The following PHACTR2 variants were observed in gnomAD, a reference collection of about 807,000 sequenced individuals.
PHACTR2 encodes chromosome 6 open reading frame 56.
PHACTR2 carries 30 observed loss-of-function variants against 76.0 expected under a neutral mutation model. The observed-to-expected ratio is 0.39, with a 90% confidence interval of 0.30 to 0.54. PHACTR2 has a LOEUF of 0.54. PHACTR2 is among the 20% of genes least tolerant of loss of function. The pLI, the probability that PHACTR2 is intolerant of heterozygous loss-of-function variation, is 0.61. For synonymous variants in PHACTR2, 292 were observed against 292.5 expected (o/e 1.00, Z 0.02); for missense variants, 696 against 781.1 (o/e 0.89, Z 1.30).
In PHACTR2 at chr6:143,695,450, C is replaced by A. The variant is rs1276593475; in HGVS notation, c.47-16566C>A. 6.6e-6 allele frequency among the ~76,000 whole-genome samples: 1 copy of A among 152,172 alleles called. No individual in the cohort carries two copies. The highest frequency in any genetic ancestry group is 2.4e-5 in the African/African-American group (1 of 41,448). On this transcript the variant is annotated intron_variant, in intron 1 of 12. Transcript: ENST00000440869. The surrounding 1 kb of genome is among the most constrained non-coding windows in gnomAD (Gnocchi z 4.4). ...CTATTTCAGATTCAACATTCAATAC[C>A]CTAAGGCATAAAAATGGCGTCTTAC...
Position 143,562,327 on chromosome 6 carries a change from C to T in PHACTR2, c.217+25120C>T, listed in dbSNP as rs891810831. Among the ~76,000 whole-genome samples, 4 of 152,128 alleles carry T rather than the reference C, an allele frequency of 2.6e-5. No homozygotes were observed. The highest frequency in any genetic ancestry group is 2.9e-5 in the Non-Finnish European group (2 of 68,034). ...GCCTCCCCAGGCCTCAGGAAGTTTA[C>T]AATGAGGCTGGAAAGCAAAGGGGAA... On this transcript the variant is annotated intron_variant, in intron 1 of 11. Transcript: ENST00000367584. This position sits in a 1 kb window ranked among gnomAD's most constrained non-coding sequence, Gnocchi z 5.1.
At position 143,733,135 on chromosome 6, in the gene PHACTR2, G is replaced by A. The variant is rs908043945; in HGVS notation, c.215-15850G>A. Reference sequence around the variant, plus strand: ...GCTGGGTGTCCAACTGGCTTCAAGTGATTGTCCTACCTTGACCTCCCAAAG... The same window carrying A: ...GCTGGGTGTCCAACTGGCTTCAAGTAATTGTCCTACCTTGACCTCCCAAAG... On this transcript the variant is annotated intron_variant, in intron 2 of 12. Coordinates refer to ENST00000440869, the MANE Select transcript of PHACTR2 (RefSeq NM_001100164.2). This position sits in a 1 kb window ranked among gnomAD's most constrained non-coding sequence, Gnocchi z 4.0. Among the ~76,000 whole-genome samples, 2 of 152,170 alleles carry A rather than the reference G, an allele frequency of 1.3e-5. No individual in the cohort carries two copies. The highest frequency in any genetic ancestry group is 2.9e-5 in the Non-Finnish European group (2 of 68,032).
chr6:143,551,490 A>C (rs981503347), intron 1 of PHACTR2, among the ~76,000 whole-genome samples: 1 of 152,164 alleles, frequency 6.6e-6, no homozygotes, highest in Non-Finnish European at 1.5e-5. Flanking sequence ...TTCATTTCTC[A>C]GTGTCTGTTG....
chr6:143,564,216 T>TGTGTGTGTGTGC (rs1775327812), intron 1 of PHACTR2, among the ~76,000 whole-genome samples: 7 of 115,228 alleles, frequency 6.1e-5, no homozygotes, highest in Non-Finnish European at 1.3e-4. Flanking sequence ...TATATATATA[T>TGTGTGTGTGTGC]ATATATATAT....
chr6:143,749,149 A>T (rs1029886323), intron 3 of PHACTR2, 84 bp downstream of exon 3: 3 of 741,614 alleles, frequency 4.0e-6, no homozygotes, highest in East Asian at 2.7e-5. Flanking sequence ...ATTTAAAGGG[A>T]TCATGGTCTT....
chr6:143,574,447 T>A (rs1775482704), intron 1 of PHACTR2, among the ~76,000 whole-genome samples: 1 of 152,080 alleles, frequency 6.6e-6, no homozygotes, highest in Non-Finnish European at 1.5e-5. Context: ...GTTCAAAGAG[T>A]TTTCTTTAAA....
intron 1 of PHACTR2, among the ~76,000 whole-genome samples, chr6:143,694,497 C>T (rs1163394534): frequency 6.6e-6 from 1 of 152,124 alleles, no homozygotes; most frequent in African/African-American, 2.4e-5. Flanking sequence ...ATGTGAAGCC[C>T]TGTATTTGGA....
rs753657676 is a variant in PHACTR2 at position 143,646,727 on chromosome 6, G to T, written c.13+38405G>T. On this transcript the variant is annotated intron_variant, in intron 1 of 11. Coordinates refer to the PHACTR2 transcript ENST00000305766. The surrounding 1 kb of genome is among the most constrained non-coding windows in gnomAD (Gnocchi z 4.1). ...AGGGGGATTTGAGACTGCTCCACAT[G>T]TTTCTCATGGAATTTCCCCCAAGCA... is the stretch of plus-strand genomic sequence containing the variant. Among the ~76,000 whole-genome samples, 6 of 152,138 alleles carry T rather than the reference G, an allele frequency of 3.9e-5. No individual in the cohort carries two copies. Among genetic ancestry groups the T allele is most frequent in the Non-Finnish European group, 7.4e-5 (5 of 68,024 alleles).
chr6:143,627,606 C>CTT lies in PHACTR2; in HGVS notation c.13+19296_13+19297dup, dbSNP rs71024861. Among the ~76,000 whole-genome samples the CTT allele has an allele frequency of 0.21, 30,191 of 144,716 alleles. 3,261 individuals carry two copies. The highest frequency in any genetic ancestry group is 0.27 in the South Asian group (1,241 of 4,590). The allele number at this position is 144,716 out of a possible 152,430, so 94.9% of individuals were successfully genotyped here. On this transcript the variant is annotated intron_variant, in intron 1 of 11. Transcript: ENST00000305766. This position sits in a 1 kb window ranked among gnomAD's most constrained non-coding sequence, Gnocchi z 4.3. ...CACAATGTTGTACAACCACCACTTC[C>CTT]TTTTTTTTTTTTTGAGAAGAAGTCT...
At chr6:143,815,894 GAAA>G (rs11310299) in intron 12 of PHACTR2, among the ~76,000 whole-genome samples, 6 of 129,360 alleles carry the variant, frequency 4.6e-5, no homozygotes, top group Admixed American at 7.7e-5. Context: ...TCTGTCTCAA[GAAA>G]AAAAAAAAAA....
chr6:143,649,569 T>G (rs1776719868), intron 1 of PHACTR2, among the ~76,000 whole-genome samples: 1 of 152,154 alleles, frequency 6.6e-6, no homozygotes, highest in African/African-American at 2.4e-5. Flanking sequence ...ATTCATCACA[T>G]AAACAGAACT....
At chr6:143,590,705 C>T (rs1178751156) in intron 1 of PHACTR2, among the ~76,000 whole-genome samples, 2 of 152,120 alleles carry the variant, frequency 1.3e-5, no homozygotes, top group Non-Finnish European at 2.9e-5. Context: ...TACAGGAACA[C>T]GCTGTCTTAG....
rs1775016209 is a variant in PHACTR2 at position 143,547,537 on chromosome 6, A to G, written c.217+10330A>G. 6.6e-6 allele frequency among the ~76,000 whole-genome samples: 1 copy of G among 152,250 alleles called. No homozygotes were observed. The highest frequency in any genetic ancestry group is 2.1e-4 in the South Asian group (1 of 4,828). ...TTAACACAGTGACTGTGAGATCTAGAAAGTAAAGGAGCTTTGAAACAGCCA... is the reference window on the plus strand; with the variant it reads ...TTAACACAGTGACTGTGAGATCTAGGAAGTAAAGGAGCTTTGAAACAGCCA... On this transcript the variant is annotated intron_variant, in intron 1 of 11. Transcript: ENST00000367584. This position sits in a 1 kb window ranked among gnomAD's most constrained non-coding sequence, Gnocchi z 4.2.
rs1310035403 is a variant in PHACTR2 at position 143,753,855 on chromosome 6, A to G, written c.397A>G (p.Asn133Asp). The change falls in exon 4 of 13, where the codon AAT becomes GAT. Residue 133 changes from asparagine (N) to aspartate (D), a missense_variant. Around this residue, in one of 2 missense-constraint regions of PHACTR2, gnomAD observed 460 missense variants for 450.9 expected, o/e 1.02. Transcript: ENST00000440869. This position sits in a 1 kb window ranked among gnomAD's most constrained non-coding sequence, Gnocchi z 4.6. The part of the protein sequence containing the change: ...EENVVKSEEG[N>D]GSVSEKTPPL... ...AAATGTAGTAAAGTCTGAAGAAGGT[A>G]ATGGCTCTGTATCTGAAAAAACACC... is the stretch of plus-strand genomic sequence containing the variant. 11 of 1,613,260 alleles carry G rather than the reference A, an allele frequency of 6.8e-6. No individual in the cohort carries two copies. The East Asian group carries it at 2.2e-4, about 33-fold the overall frequency.
At chr6:143,773,458 A>C (rs999270000) in intron 7 of PHACTR2, among the ~76,000 whole-genome samples, 1 of 151,776 alleles carries the variant, frequency 6.6e-6, no homozygotes, top group African/African-American at 2.4e-5. Flanking sequence ...CTGAATTTGT[A>C]GATTATGGCA....
intron 1 of PHACTR2, among the ~76,000 whole-genome samples, chr6:143,686,749 T>G (rs886639888): frequency 1.3e-5 from 2 of 152,068 alleles, no homozygotes; most frequent in Admixed American, 6.6e-5. Flanking sequence ...CCTCCCAAAG[T>G]GCTGGGATTA....
rs150302918 is a variant in PHACTR2, at chr6:143,592,988, C to T, written c.217+55781C>T. 4.9e-3 allele frequency among the ~76,000 whole-genome samples: 702 copies of T among 142,252 alleles called. No homozygotes were observed. Among genetic ancestry groups the T allele is most frequent in the Non-Finnish European group, 7.0e-3 (471 of 67,080 alleles). The allele number at this position is 142,252 out of a possible 152,430, so 93.3% of individuals were successfully genotyped here. A position where few individuals can be genotyped will look rare whatever the true frequency, so the allele number is the denominator to read the frequency against. ...CCTGGGAAGTCGATACTATTGTAAG[C>T]TGAGATCATGCCACTGCACCTGCAC... is the stretch of plus-strand genomic sequence containing the variant. On this transcript the variant is annotated intron_variant, in intron 1 of 11. Transcript: ENST00000367584. This position sits in a 1 kb window ranked among gnomAD's most constrained non-coding sequence, Gnocchi z 4.0.
In PHACTR2 at chr6:143,751,236, C is replaced by A. The variant is rs1282772948; in HGVS notation, c.295+2171C>A. On this transcript the variant is annotated intron_variant, in intron 3 of 12. Coordinates refer to ENST00000440869, the MANE Select transcript of PHACTR2 (RefSeq NM_001100164.2). The surrounding 1 kb of genome is among the most constrained non-coding windows in gnomAD (Gnocchi z 5.7). ...TCCCTCTAGCTACCCTGAGTCTGAC[C>A]CCATCCCACCATATCCCATACTCTC... 6.6e-6 allele frequency among the ~76,000 whole-genome samples: 1 copy of A among 152,130 alleles called. No individual in the cohort carries two copies. The highest frequency in any genetic ancestry group is 1.9e-4 in the East Asian group (1 of 5,188).
chr6:143,823,599 C>A lies in PHACTR2; in HGVS notation c.1923-75C>A. 2.7e-6 allele frequency: 3 copies of A among 1,118,020 alleles called. No individual in the cohort carries two copies. The highest frequency in any genetic ancestry group is 4.1e-6 in the Non-Finnish European group (3 of 735,740). The allele number at this position is 1,118,020 out of a possible 1,614,324, so 69.3% of individuals were successfully genotyped here. ...GGTACCTTTTCATTGTAAACATGAC[C>A]ACGCCTTATTCAGCTCACTGCATGC... On this transcript the variant is annotated intron_variant, in intron 12 of 12. Transcript: ENST00000440869. This position sits in a 1 kb window ranked among gnomAD's most constrained non-coding sequence, Gnocchi z 5.7.
Sources: allele counts gnomAD v4.1 joint callset (sites outside exome capture counted in the v4.1 genomes callset), GRCh38; gene constraint gnomAD v4.1.1; regional missense constraint gnomAD v4.1.1; non-coding constraint Gnocchi (gnomAD v3.1); transcripts MANE v1.5; gene names NCBI Gene and HGNC (gene_info 2026-07-23, HGNC 2026-07-21).